Variants in SMARCA5 observed in about 807,000 individuals in gnomAD.
The protein encoded by SMARCA5 is SWI/SNF-related matrix-associated actin-dependent regulator of chromatin subfamily A member 5.
SMARCA5 carries 18 observed loss-of-function variants against 140.4 expected under a neutral mutation model. That is an observed-to-expected ratio of 0.13 (90% confidence interval 0.09 to 0.19). The LOEUF (loss-of-function observed/expected upper bound fraction) is 0.19. Ranked by LOEUF, SMARCA5 falls within the 10% of genes least tolerant of loss-of-function variation. The pLI, the probability that SMARCA5 is intolerant of heterozygous loss-of-function variation, is 1.00. For missense variants in SMARCA5, 606 were observed against 1,276.8 expected (o/e 0.47, Z 8.01); for synonymous variants, 449 against 419.6 (o/e 1.07, Z -0.86).
chr4:143,537,575 A>G (rs1578800157), intron 11 of SMARCA5, among the ~76,000 whole-genome samples: 2 of 152,194 alleles, frequency 1.3e-5, no homozygotes, highest in African/African-American at 4.8e-5. Context: ...GAGGAGTGGC[A>G]GGAACGTGGT....
At position 143,517,372 on chromosome 4, in the gene SMARCA5, G is replaced by A. The variant is rs199593262; in HGVS notation, c.195G>A (p.Ala65=). Residue 65 remains alanine (A), a synonymous_variant, in exon 2 of 24, where the codon GCG becomes GCA. Transcript: ENST00000283131. The stretch of plus-strand genomic sequence containing the variant: ...TCTACCAGGAAATATTTGATGATGC[G>A]TCACCTGGAAAGCAAAAGGAAATCC... ...DAEMEEIFDD[A]SPGKQKEIQE... 35 of 1,608,086 alleles carry A rather than the reference G, an allele frequency of 2.2e-5. 1 individual carries two copies. Among genetic ancestry groups the A allele is most frequent in the Admixed American group, 2.0e-4 (12 of 59,374 alleles).
intron 1 of SMARCA5, among the ~76,000 whole-genome samples, chr4:143,515,191 C>T (rs1474652487): frequency 6.6e-6 from 1 of 151,988 alleles, no homozygotes; most frequent in East Asian, 1.9e-4. Flanking sequence ...AAAATGGTAG[C>T]GTAATTTACC....
chr4:143,527,167 C>T (rs551482709), intron 6 of SMARCA5, among the ~76,000 whole-genome samples: 14 of 152,124 alleles, frequency 9.2e-5, no homozygotes, highest in East Asian at 3.9e-4. Flanking sequence ...GTTAAAATTT[C>T]GATCAGTTGA....
At chr4:143,538,039 C>A (rs1270768314) in intron 11 of SMARCA5, among the ~76,000 whole-genome samples, 1 of 152,076 alleles carries the variant, frequency 6.6e-6, no homozygotes, top group Non-Finnish European at 1.5e-5. Context: ...TCAAAATGAT[C>A]CTTTGTCTTG....
At chr4:143,514,822 G>T (rs1351157141) in intron 1 of SMARCA5, among the ~76,000 whole-genome samples, 2 of 152,252 alleles carry the variant, frequency 1.3e-5, no homozygotes, top group Non-Finnish European at 2.9e-5. Context: ...AGGCGCAGTT[G>T]GTTGGCTCTC....
At chr4:143,552,248 T>G (rs1463871351) in intron 23 of SMARCA5, among the ~76,000 whole-genome samples, 1 of 152,146 alleles carries the variant, frequency 6.6e-6, no homozygotes, top group Non-Finnish European at 1.5e-5. Flanking sequence ...TTTTGTATCC[T>G]GCAGTGTCAC....
Position 143,555,480 on chromosome 4 carries a change from C to A in SMARCA5, c.*2296C>A. ...CTGTGGAAAGTAAAGCATTCCAACA[C>A]AGGGTTTCAGTGTAGATTGTTTTGT... On this transcript the variant is annotated 3_prime_UTR_variant, in exon 24 of 24. Coordinates refer to ENST00000283131, the MANE Select transcript of SMARCA5 (RefSeq NM_003601.4). The A allele has an allele frequency of 2.0e-6, 1 of 506,470 alleles. No homozygotes were observed. 31.4% of individuals were successfully genotyped at this position (506,470 alleles called of 1,614,324 possible). A position where few individuals can be genotyped will look rare whatever the true frequency, so the allele number is the denominator to read the frequency against.
chr4:143,543,858 A>G lies in SMARCA5; in HGVS notation c.2058A>G (p.Ala686=), dbSNP rs749733777. 14 of 1,608,204 alleles carry G rather than the reference A, an allele frequency of 8.7e-6. No individual in the cohort carries two copies. Among genetic ancestry groups the G allele is most frequent in the Non-Finnish European group, 1.2e-5 (14 of 1,178,500 alleles). ...GILERGAKKT[A]EMNEKLSKMG... is the part of the protein sequence containing the mutation. ...CTGATTGTTTTGTTCTCTAGACTGC[A>G]GAGATGAATGAAAAGCTCTCCAAGA... The change falls in exon 16 of 24, where the codon GCA becomes GCG. Residue 686 remains alanine, a synonymous_variant. Transcript: ENST00000283131.
chr4:143,546,193 T>C lies in SMARCA5; in HGVS notation c.2520+146T>C, dbSNP rs1236216954. ...AATAAAGTATGGGCATGTGGATAAATGCTCCATCTGATTGTCACTAGTTGA... is the reference window on the plus strand; with the variant it reads ...AATAAAGTATGGGCATGTGGATAAACGCTCCATCTGATTGTCACTAGTTGA... On this transcript the variant is annotated intron_variant, in intron 19 of 23. Transcript: ENST00000283131. The C allele has an allele frequency of 1.9e-5, 10 of 523,250 alleles. No homozygotes were observed. The South Asian group carries it at 3.3e-4, about 17-fold the overall frequency. The allele number at this position is 523,250 out of a possible 1,614,324, so 32.4% of individuals were successfully genotyped here. A position where few individuals can be genotyped will look rare whatever the true frequency, so the allele number is the denominator to read the frequency against.
At chr4:143,514,810 C>A (rs1244724625) in intron 1 of SMARCA5, among the ~76,000 whole-genome samples, 1 of 152,134 alleles carries the variant, frequency 6.6e-6, no homozygotes, top group East Asian at 1.9e-4. Context: ...AATTAGAGAA[C>A]CAGGCGCAGT....
At position 143,555,998 on chromosome 4, in the gene SMARCA5, A is replaced by T. The variant is rs2149827174; in HGVS notation, c.*2814A>T. 6.6e-6 allele frequency: 1 copy of T among 152,332 alleles called. No individual in the cohort carries two copies. The highest frequency in any genetic ancestry group is 2.1e-4 in the South Asian group (1 of 4,826). 9.4% of individuals were successfully genotyped at this position (152,332 alleles called of 1,614,324 possible). A position where few individuals can be genotyped will look rare whatever the true frequency, so the allele number is the denominator to read the frequency against. ...ACCTGGCCTACATTTTGTTTTTCAT[A>T]AAGTTGAGAGAAGCAAATCCTAAGC... On this transcript the variant is annotated 3_prime_UTR_variant, in exon 24 of 24. Coordinates refer to ENST00000283131, the MANE Select transcript of SMARCA5 (RefSeq NM_003601.4).
Position 143,547,413 on chromosome 4 carries a change from C to T in SMARCA5, c.2682C>T (p.Leu894=), listed in dbSNP as rs899960766. 3 of 1,605,190 alleles carry T rather than the reference C, an allele frequency of 1.9e-6. No homozygotes were observed. In the African/African-American group the frequency reaches 4.0e-5, roughly 22 times the overall value. Residue 894 remains leucine (L), a synonymous_variant, in exon 21 of 24, where the codon CTC becomes CTT. Transcript: ENST00000283131. ...TGTTTTGGGAAAGGTGCAACGAGCT[C>T]CAGGACATAGAGAAGATTATGGCTC... ...SAVFWERCNE[L]QDIEKIMAQI... is the part of the protein sequence containing the mutation.
In SMARCA5 at chr4:143,547,917, G is replaced by A. The variant is rs1737565311; in HGVS notation, c.2773-11G>A. The A allele has an allele frequency of 6.9e-7, 1 of 1,457,666 alleles. No homozygotes were observed. The highest frequency in any genetic ancestry group is 9.3e-7 in the Non-Finnish European group (1 of 1,070,070). 90.3% of individuals were successfully genotyped at this position (1,457,666 alleles called of 1,614,324 possible). On this transcript the variant is annotated splice_polypyrimidine_tract_variant and intron_variant, in intron 21 of 23. Transcript: ENST00000283131. ...TTGTATTTTATATAATATAAAATCT[G>A]ACTTTCATAGATTGGACGGTACAAA...
chr4:143,524,548 A>C, intron 4 of SMARCA5, 81 bp downstream of exon 4: 1 of 853,764 alleles, frequency 1.2e-6, no homozygotes, highest in South Asian at 1.6e-5. Context: ...TGTGTTGGCT[A>C]CTATTTGTGA....
chr4:143,542,967 G>C (rs1005373040), intron 14 of SMARCA5, among the ~76,000 whole-genome samples: 3 of 152,120 alleles, frequency 2.0e-5, no homozygotes, highest in African/African-American at 7.2e-5. Context: ...AACAGAGCAA[G>C]ACTCCATCTC....
At chr4:143,535,108 A>G (rs1737276575) in intron 10 of SMARCA5, 144 bp downstream of exon 10, 2 of 547,138 alleles carry the variant, frequency 3.7e-6, no homozygotes, top group Non-Finnish European at 3.1e-6. Context: ...GTCACGTAGT[A>G]TAGGACTTGC....
chr4:143,548,156 T>A lies in SMARCA5; in HGVS notation c.2985+16T>A, dbSNP rs766658569. 2.7e-6 allele frequency: 4 copies of A among 1,507,924 alleles called. No homozygotes were observed. The South Asian group carries it at 4.7e-5, about 18-fold the overall frequency. The allele number at this position is 1,507,924 out of a possible 1,614,324, so 93.4% of individuals were successfully genotyped here. A position where few individuals can be genotyped will look rare whatever the true frequency, so the allele number is the denominator to read the frequency against. On this transcript the variant is annotated intron_variant, in intron 22 of 23. Transcript: ENST00000283131. ...AACTGCAATGGTGAGTGCTCAGGGC[T>A]TTTTTGTGTAATGTAGCAGAGTTCA...
chr4:143,550,340 T>C (rs1388041420), intron 23 of SMARCA5, among the ~76,000 whole-genome samples: 2 of 151,660 alleles, frequency 1.3e-5, no homozygotes, highest in African/African-American at 4.8e-5. Flanking sequence ...TATGAGTAAG[T>C]ATGTATTTAT....
chr4:143,530,103 G>A (rs1442248923), intron 8 of SMARCA5, among the ~76,000 whole-genome samples: 4 of 152,154 alleles, frequency 2.6e-5, no homozygotes, highest in Admixed American at 2.6e-4. Context: ...AGTGCGAATG[G>A]TCTCAGAGAA....
Sources: gnomAD v4.1 joint callset for allele counts (sites outside exome capture counted in the v4.1 genomes callset) on GRCh38, gnomAD v4.1.1 for gene constraint, MANE v1.5 for transcripts, NCBI Gene and HGNC (gene_info 2026-07-23, HGNC 2026-07-21) for gene names.